The following ATP11B variants were observed in gnomAD, a reference collection of about 807,000 sequenced individuals.
ATP11B encodes ATPase phospholipid transporting 11B (putative).
A neutral mutation model predicts 157.8 loss-of-function variants in ATP11B; 81 were observed. The ratio of observed to expected loss-of-function variants is 0.51; its 90% CI spans 0.43 to 0.62. The LOEUF is 0.62. ATP11B is among the 20% of genes least tolerant of loss of function. The pLI is 0.00. For missense variants in ATP11B, 1,165 were observed against 1,402.2 expected, an observed-to-expected ratio of 0.83 and a Z score of 2.70; for synonymous variants, 451 against 469.4, an observed-to-expected ratio of 0.96 and a Z score of 0.51.
intron 28 of ATP11B, among the ~76,000 whole-genome samples, chr3:182,899,986 TTG>T (rs1426450249): frequency 1.3e-5 from 2 of 152,220 alleles, no homozygotes; most frequent in African/African-American, 4.8e-5. Context: ...TTAAACATGC[TTG>T]TAACATGCCA....
chr3:182,889,103 C>T (rs746954427), intron 24 of ATP11B, among the ~76,000 whole-genome samples: 21 of 152,146 alleles, frequency 1.4e-4, no homozygotes, highest in Middle Eastern at 3.4e-3. Flanking sequence ...CCTTGTGATC[C>T]GCCCACCTTG....
intron 18 of ATP11B, 86 bp from the exon 19 acceptor site, chr3:182,873,726 A>T: frequency 8.9e-7 from 1 of 1,123,988 alleles, no homozygotes; most frequent in Non-Finnish European, 1.3e-6. Context: ...AGAGTTTAGA[A>T]TTATCCTTAA....
chr3:182,912,553 C>G (rs1183962502), intron 28 of ATP11B, among the ~76,000 whole-genome samples: 1 of 151,826 alleles, frequency 6.6e-6, no homozygotes, highest in East Asian at 1.9e-4. Context: ...AAGAACAAGT[C>G]AAGTTTGGCT....
intron 10 of ATP11B, among the ~76,000 whole-genome samples, chr3:182,856,448 TAAAC>T (rs1720410105): frequency 6.6e-6 from 1 of 152,090 alleles, no homozygotes; most frequent in Non-Finnish European, 1.5e-5. Context: ...AAGATGGAAA[TAAAC>T]CAGGCATTTT....
intron 1 of ATP11B, among the ~76,000 whole-genome samples, chr3:182,795,056 A>G (rs1715515663): frequency 2.0e-5 from 3 of 152,148 alleles, no homozygotes; most frequent in Admixed American, 6.5e-5. Context: ...AAAATTATAA[A>G]TAAGAACTGC....
intron 17 of ATP11B, among the ~76,000 whole-genome samples, chr3:182,869,556 T>G (rs967808617): frequency 1.3e-5 from 2 of 152,234 alleles, no homozygotes; most frequent in Non-Finnish European, 2.9e-5. Flanking sequence ...TTACAAGGTC[T>G]ACTCAAACTA....
chr3:182,838,897 T>G (rs1718778259), intron 7 of ATP11B, among the ~76,000 whole-genome samples: 1 of 152,060 alleles, frequency 6.6e-6, no homozygotes, highest in South Asian at 2.1e-4. Flanking sequence ...TTAAAATCTT[T>G]TTAAAGAATT....
chr3:182,880,363 A>G (rs772615372), intron 20 of ATP11B, among the ~76,000 whole-genome samples: 7 of 152,194 alleles, frequency 4.6e-5, no homozygotes, highest in Non-Finnish European at 5.9e-5. Context: ...TATGGAGACT[A>G]AAACTGGAGA....
chr3:182,898,743 C>T lies in ATP11B; in HGVS notation c.3289C>T (p.Leu1097Phe). 1 of 1,580,226 alleles carries T rather than the reference C, an allele frequency of 6.3e-7. No homozygotes were observed. The highest frequency in any genetic ancestry group is 8.6e-7 in the Non-Finnish European group (1 of 1,163,690). Residue 1097 changes from leucine (L) to phenylalanine (F), a missense_variant, in exon 28 of 30, where the codon CTC (leucine) becomes TTC (phenylalanine). By Grantham distance (22) the Leu-to-Phe change is conservative (BLOSUM62 0). This residue lies in a region of ATP11B where 303 missense variants were observed against 296.3 expected (regional missense o/e 1.02). Coordinates refer to ENST00000323116, the MANE Select transcript of ATP11B (RefSeq NM_014616.3). Reference sequence around the variant, plus strand: ...CATAAAGAAGGTCTTTGACCGACACCTCCACCCTACAAGTACTGAAAAGGC... The same window carrying T: ...CATAAAGAAGGTCTTTGACCGACACTTCCACCCTACAAGTACTGAAAAGGC... ...DIIKKVFDRH[L>F]HPTSTEKAQL... is the part of the protein sequence containing the mutation.
intron 19 of ATP11B, 111 bp downstream of exon 19, chr3:182,874,126 A>G (rs2108551981): frequency 2.2e-6 from 2 of 889,442 alleles, no homozygotes; most frequent in Middle Eastern, 2.3e-4. Context: ...CCTATCAGCT[A>G]AAAGTAGTTT....
chr3:182,868,038 A>G (rs1480970846), intron 15 of ATP11B, among the ~76,000 whole-genome samples: 2 of 152,144 alleles, frequency 1.3e-5, no homozygotes, highest in Non-Finnish European at 1.5e-5. Flanking sequence ...TCATAGTTAT[A>G]ACAATAGTAT....
intron 26 of ATP11B, 83 bp from the exon 27 acceptor site, chr3:182,897,220 T>A: frequency 1.4e-6 from 1 of 739,534 alleles, no homozygotes; most frequent in Non-Finnish European, 2.2e-6. Context: ...TAGATACTTA[T>A]GTTTATTCTT....
chr3:182,858,807 G>A (rs1314716605), intron 11 of ATP11B, among the ~76,000 whole-genome samples: 1 of 151,958 alleles, frequency 6.6e-6, no homozygotes, highest in Non-Finnish European at 1.5e-5. Flanking sequence ...GATTTTGAAG[G>A]GTAATAGTAG....
intron 10 of ATP11B, among the ~76,000 whole-genome samples, chr3:182,851,276 G>GC (rs1297872940): frequency 6.6e-6 from 1 of 152,162 alleles, no homozygotes; most frequent in African/African-American, 2.4e-5. Context: ...GGGTGACAGA[G>GC]CGAGACTCCA....
At chr3:182,853,409 A>G (rs1720132182) in intron 10 of ATP11B, among the ~76,000 whole-genome samples, 1 of 152,080 alleles carries the variant, frequency 6.6e-6, no homozygotes, top group African/African-American at 2.4e-5. Context: ...GGGTTTCACC[A>G]TGTTGGCCAG....
intron 27 of ATP11B, among the ~76,000 whole-genome samples, chr3:182,898,010 C>T (rs1382819508): frequency 1.3e-5 from 2 of 151,736 alleles, no homozygotes; most frequent in African/African-American, 4.8e-5. Context: ...ATCCATTTAT[C>T]AGACAAAAAA....
rs141584955 is a variant in ATP11B, at chr3:182,862,599, C to T, written c.1201-2857C>T. 1.8e-3 allele frequency among the ~76,000 whole-genome samples: 279 copies of T among 152,268 alleles called. 1 individual carries two copies. Among genetic ancestry groups the T allele is most frequent in the Non-Finnish European group, 3.0e-3 (207 of 68,014 alleles). On this transcript the variant is annotated intron_variant, in intron 12 of 29. Coordinates refer to ENST00000323116, the MANE Select transcript of ATP11B (RefSeq NM_014616.3). ...TCAGAATTTAAACTACTCCTGATAG[C>T]TTGTATTTTCAGCCTCATCCTGTAC...
chr3:182,817,424 G>T lies in ATP11B; in HGVS notation c.28-2836G>T, dbSNP rs1247838881. Among the ~76,000 whole-genome samples, 3 of 152,096 alleles carry T rather than the reference G, an allele frequency of 2.0e-5. No homozygotes were observed. In the East Asian group the frequency reaches 5.8e-4, roughly 29 times the overall value. On this transcript the variant is annotated intron_variant, in intron 1 of 29. Transcript: ENST00000323116. ...GCCTCCCAAATAGCTGGGACTACAG[G>T]TGTGTGCCACCACACCCAGCTAATT... is the stretch of plus-strand genomic sequence containing the variant.
At chr3:182,837,987 A>T (rs1389656803) in intron 7 of ATP11B, among the ~76,000 whole-genome samples, 1 of 152,128 alleles carries the variant, frequency 6.6e-6, no homozygotes, top group Non-Finnish European at 1.5e-5. Flanking sequence ...ACTATAAATT[A>T]CAGCAAATTT....
Sources: gnomAD v4.1 joint callset for allele counts (sites outside exome capture counted in the v4.1 genomes callset) on GRCh38, gnomAD v4.1.1 for gene constraint, gnomAD v4.1.1 regional missense constraint, MANE v1.5 for transcripts, NCBI Gene and HGNC (gene_info 2026-07-23, HGNC 2026-07-21) for gene names.